The following MIER1 variants were observed in gnomAD, a reference collection of about 807,000 sequenced individuals.
MIER1 encodes MIER1 transcriptional regulator.
A neutral mutation model predicts 75.7 loss-of-function variants in MIER1; 40 were observed. That is an observed-to-expected ratio of 0.53 (90% CI 0.41 to 0.69). MIER1 has a LOEUF of 0.69. Ranked by LOEUF, MIER1 falls within the 30% of genes least tolerant of loss-of-function variation. MIER1 has a pLI of 0.00. For missense variants in MIER1, 574 were observed against 680.2 expected (o/e 0.84, Z 1.74); for synonymous variants, 213 against 223.4 (o/e 0.95, Z 0.42).
chr1:66,970,669 C>T (rs182330863), intron 8 of MIER1, 139 bp from the exon 9 acceptor site: 32 of 535,244 alleles, frequency 6.0e-5, no homozygotes, highest in African/African-American at 4.8e-4. Context: ...TGCCCAAGAA[C>T]GAAGTCAGGC....
At chr1:66,936,998 CAAAAAAA>C (rs751644771) in intron 2 of MIER1, among the ~76,000 whole-genome samples, 137 of 68,352 alleles carry the variant, frequency 2.0e-3, no homozygotes, top group Non-Finnish European at 3.1e-3. Flanking sequence ...GACTCCATCT[CAAAAAAA>C]AAAAAAAAAA....
chr1:66,963,176 A>G lies in MIER1; in HGVS notation c.772+16A>G. 2.0e-6 allele frequency: 3 copies of G among 1,501,676 alleles called. No individual in the cohort carries two copies. The highest frequency in any genetic ancestry group is 2.8e-6 in the Non-Finnish European group (3 of 1,078,252). The allele number at this position is 1,501,676 out of a possible 1,614,324, so 93.0% of individuals were successfully genotyped here. A position where few individuals can be genotyped will look rare whatever the true frequency, so the allele number is the denominator to read the frequency against. On this transcript the variant is annotated intron_variant, in intron 8 of 13. Coordinates refer to ENST00000401041, the MANE Select transcript of MIER1 (RefSeq NM_001077700.3). Reference sequence around the variant, plus strand: ...AATGAAAAAGGTGGGTTATTAGTAAAGTTACGTAGCTGAATTTATGCTTTC... The same window carrying G: ...AATGAAAAAGGTGGGTTATTAGTAAGGTTACGTAGCTGAATTTATGCTTTC...
intron 8 of MIER1, among the ~76,000 whole-genome samples, chr1:66,967,302 T>C (rs190156397): frequency 1.2e-3 from 176 of 152,326 alleles, no homozygotes; most frequent in African/African-American, 4.0e-3. Flanking sequence ...TTGTCAAAAA[T>C]GAGTTCACTG....
At chr1:66,929,911 C>A (rs1214122059) in intron 2 of MIER1, among the ~76,000 whole-genome samples, 1 of 152,240 alleles carries the variant, frequency 6.6e-6, no homozygotes, top group Admixed American at 6.5e-5. Flanking sequence ...ATTTCAAAAA[C>A]GACCTACATG....
rs1666931997 is a variant in MIER1, at chr1:66,987,529, A to T, written c.*2629A>T. ...TTGAGCTTTAAAATGTATTTGAAGT[A>T]ATATTTAAATAGGCATTTAAAATTT... is the stretch of plus-strand genomic sequence containing the variant. On this transcript the variant is annotated 3_prime_UTR_variant, in exon 14 of 14. Transcript: ENST00000401041. 1 of 152,738 alleles carries T rather than the reference A, an allele frequency of 6.5e-6. No individual in the cohort carries two copies. The highest frequency in any genetic ancestry group is 1.5e-5 in the Non-Finnish European group (1 of 68,004). The allele number at this position is 152,738 out of a possible 1,614,324, so 9.5% of individuals were successfully genotyped here. A position where few individuals can be genotyped will look rare whatever the true frequency, so the allele number is the denominator to read the frequency against.
intron 4 of MIER1, chr1:66,946,845 A>AT: frequency 2.0e-6 from 2 of 985,002 alleles, no homozygotes; most frequent in African/African-American, 3.5e-5. Context: ...ATAGTTTAAC[A>AT]TTCCCTTCTT....
chr1:66,940,565 T>C (rs1166437826), intron 3 of MIER1, among the ~76,000 whole-genome samples: 4 of 152,166 alleles, frequency 2.6e-5, no homozygotes, highest in African/African-American at 9.7e-5. Flanking sequence ...GATCAAGTTT[T>C]AGGTTCTGAG....
At chr1:66,962,289 T>C (rs1464946854) in intron 7 of MIER1, among the ~76,000 whole-genome samples, 1 of 152,240 alleles carries the variant, frequency 6.6e-6, no homozygotes, top group African/African-American at 2.4e-5. Context: ...TTGTATTGTT[T>C]TAATGAAAGT....
intron 4 of MIER1, among the ~76,000 whole-genome samples, chr1:66,951,457 C>T (rs1450036471): frequency 1.3e-5 from 2 of 152,226 alleles, no homozygotes; most frequent in East Asian, 1.9e-4. Context: ...GTCCATTTCT[C>T]CCACCTTCAG....
At chr1:66,934,827 A>G (rs544320525) in intron 2 of MIER1, among the ~76,000 whole-genome samples, 1 of 152,248 alleles carries the variant, frequency 6.6e-6, no homozygotes, top group South Asian at 2.1e-4. Context: ...AAGTAACTTA[A>G]TTTTATTGGA....
At chr1:66,940,829 ACTAGT>A (rs1656040354) in intron 3 of MIER1, among the ~76,000 whole-genome samples, 1 of 152,202 alleles carries the variant, frequency 6.6e-6, no homozygotes, top group Non-Finnish European at 1.5e-5. Context: ...AGAGTCAAGT[ACTAGT>A]CTTTTATCCT....
chr1:66,967,906 G>C (rs890144554), intron 8 of MIER1, among the ~76,000 whole-genome samples: 5 of 151,914 alleles, frequency 3.3e-5, no homozygotes. Context: ...GGCGTCTTTA[G>C]GTTTTTCCAA....
rs1305664694 is a variant in MIER1 at position 66,931,451 on chromosome 1, TTTGA to T, written c.168+5215_168+5218del. On this transcript the variant is annotated intron_variant, in intron 2 of 13. Coordinates refer to ENST00000401041, the MANE Select transcript of MIER1 (RefSeq NM_001077700.3). Reference sequence around the variant, plus strand: ...TCCTTTGAAATAAGCCACTGTAAATTTTGATTGATAAGGCATTTCTCTTGTTTGA... The same window carrying T: ...TCCTTTGAAATAAGCCACTGTAAATTTTGATAAGGCATTTCTCTTGTTTGA... Among the ~76,000 whole-genome samples the T allele has an allele frequency of 2.6e-5, 4 of 152,286 alleles. No individual in the cohort carries two copies. The East Asian group carries it at 7.7e-4, about 29-fold the overall frequency.
At chr1:66,948,358 A>G in intron 4 of MIER1, 1 of 417,062 alleles carries the variant, frequency 2.4e-6, no homozygotes, top group East Asian at 1.6e-4. Flanking sequence ...TTATGGTAAT[A>G]AAGACCTATG....
rs1171455583 is a variant in MIER1, at chr1:66,925,095, T to C, written c.67T>C (p.Tyr23His). The C allele has an allele frequency of 1.9e-6, 3 of 1,547,948 alleles. No individual in the cohort carries two copies. Among genetic ancestry groups the C allele is most frequent in the Non-Finnish European group, 2.6e-6 (3 of 1,145,940 alleles). ...EGGGGSSGSG[Y>H]GVVARFSQCL... ...TGGCGGCGGCAGCAGCGGCAGCGGC[T>C]GTAAGTGCAGCCTCCACAAGCCATC... The change falls in exon 1 of 14, where the codon TAT (tyrosine) becomes CAT (histidine). Residue 23 changes from tyrosine to histidine, a missense_variant and splice_region_variant. Transcript: ENST00000401041.
intron 10 of MIER1, among the ~76,000 whole-genome samples, chr1:66,972,352 C>G (rs1381695631): frequency 6.6e-6 from 1 of 151,054 alleles, no homozygotes; most frequent in Non-Finnish European, 1.5e-5. Context: ...GTCCCTTCCC[C>G]TCGTGGTGCT....
chr1:66,967,269 C>T (rs548032476), intron 8 of MIER1, among the ~76,000 whole-genome samples: 5 of 152,248 alleles, frequency 3.3e-5, no homozygotes, highest in African/African-American at 1.2e-4. Flanking sequence ...ACTATCTTTT[C>T]CCAGTGTACA....
intron 4 of MIER1, chr1:66,947,067 C>G: frequency 1.1e-6 from 1 of 936,706 alleles, no homozygotes; most frequent in Non-Finnish European, 1.3e-6. Flanking sequence ...AGAATCAACC[C>G]TGTACTTATT....
At position 66,971,734 on chromosome 1, in the gene MIER1, G is replaced by T. The variant is rs748230915; in HGVS notation, c.1004G>T (p.Arg335Ile). ...RRLRFNVKAA[R>I]EELSVWTEEE... ...TTAAGATTTAATGTAAAAGCAGCTA[G>T]AGGTAAGTATAGTTTTTATTCATTT... Residue 335 changes from arginine to isoleucine, a missense_variant and splice_region_variant, in exon 10 of 14, where the codon AGA becomes ATA. By Grantham distance (97) the Arg-to-Ile change is moderately conservative. Transcript: ENST00000401041. 8 of 1,450,312 alleles carry T rather than the reference G, an allele frequency of 5.5e-6. No individual in the cohort carries two copies. Among genetic ancestry groups the T allele is most frequent in the Non-Finnish European group, 7.6e-6 (8 of 1,046,284 alleles). The allele number at this position is 1,450,312 out of a possible 1,614,324, so 89.8% of individuals were successfully genotyped here. A position where few individuals can be genotyped will look rare whatever the true frequency, so the allele number is the denominator to read the frequency against.
Sources: allele counts gnomAD v4.1 joint callset (sites outside exome capture counted in the v4.1 genomes callset), GRCh38; gene constraint gnomAD v4.1.1; transcripts MANE v1.5; gene names NCBI Gene and HGNC (gene_info 2026-07-23, HGNC 2026-07-21).